Variants in GPC6 observed in about 807,000 individuals in gnomAD.
GPC6 encodes the protein glypican 6, also known as glypican-6.
A neutral mutation model predicts 55.2 loss-of-function variants in GPC6; 14 were observed. That is an observed-to-expected ratio of 0.25 (90% CI 0.17 to 0.40). The LOEUF is 0.40. GPC6 is among the 10% of genes least tolerant of loss of function. GPC6 has a pLI of 1.00. For missense variants in GPC6, 641 were observed against 708.5 expected, an observed-to-expected ratio of 0.90 and a Z score of 1.08; for synonymous variants, 278 against 259.6, an observed-to-expected ratio of 1.07 and a Z score of -0.68.
At chr13:94,113,789 G>A (rs1051153361) in intron 4 of GPC6, among the ~76,000 whole-genome samples, 5 of 151,864 alleles carry the variant, frequency 3.3e-5, no homozygotes, top group Non-Finnish European at 5.9e-5. Flanking sequence ...GGGAGCCTGA[G>A]GTGAGAGGAT....
intron 2 of GPC6, among the ~76,000 whole-genome samples, chr13:93,647,675 C>T (rs1440926623): frequency 6.6e-6 from 1 of 152,154 alleles, no homozygotes; most frequent in Non-Finnish European, 1.5e-5. Context: ...CGTGATTCTT[C>T]CATAACTGTC....
At position 93,591,637 on chromosome 13, in the gene GPC6, G is replaced by C. The variant is rs1877492537; in HGVS notation, c.319+46216G>C. Reference sequence around the variant, plus strand: ...TTGTTTCAGTATGTTTCAGAAGTCAGAATTTGTTTATAATCTTAGAAAGTT... The same window carrying C: ...TTGTTTCAGTATGTTTCAGAAGTCACAATTTGTTTATAATCTTAGAAAGTT... On this transcript the variant is annotated intron_variant, in intron 2 of 8. Transcript: ENST00000377047. Among the ~76,000 whole-genome samples the C allele has an allele frequency of 1.3e-5, 2 of 152,210 alleles. 1 individual carries two copies. The highest frequency in any genetic ancestry group is 3.9e-4 in the East Asian group (2 of 5,180).
intron 1 of GPC6, among the ~76,000 whole-genome samples, chr13:93,537,263 A>G (rs1372545151): frequency 6.6e-6 from 1 of 152,204 alleles, no homozygotes; most frequent in African/African-American, 2.4e-5. Flanking sequence ...TCTTCTTGCC[A>G]TGATATGAGG....
intron 2 of GPC6, among the ~76,000 whole-genome samples, chr13:93,766,506 T>C (rs1885134555): frequency 6.6e-6 from 1 of 152,104 alleles, no homozygotes; most frequent in Non-Finnish European, 1.5e-5. Flanking sequence ...ACTATAATTT[T>C]ATAAAAGGTA....
intron 4 of GPC6, among the ~76,000 whole-genome samples, chr13:94,277,182 G>T (rs917703244): frequency 7.2e-5 from 11 of 152,156 alleles, no homozygotes; most frequent in Non-Finnish European, 1.3e-4. Context: ...TTTCTATAAT[G>T]ATCAGTGCTG....
chr13:93,407,219 C>A (rs145887736), intron 1 of GPC6, among the ~76,000 whole-genome samples: 2 of 151,310 alleles, frequency 1.3e-5, no homozygotes, highest in African/African-American at 2.4e-5. Context: ...AAATAATCAG[C>A]AAAAAATGAA....
intron 1 of GPC6, among the ~76,000 whole-genome samples, chr13:93,428,991 T>C (rs887073498): frequency 6.6e-6 from 1 of 152,116 alleles, no homozygotes; most frequent in African/African-American, 2.4e-5. Flanking sequence ...TCCCTTGATC[T>C]TGGAGTTCCT....
intron 3 of GPC6, among the ~76,000 whole-genome samples, chr13:93,895,489 T>C (rs1009292990): frequency 1.3e-5 from 2 of 151,736 alleles, no homozygotes; most frequent in Admixed American, 6.6e-5. Context: ...TGCTTGGGAA[T>C]TGATTCAAGT....
At chr13:93,364,050 AGTAGG>A (rs1278624123) in intron 1 of GPC6, among the ~76,000 whole-genome samples, 1 of 151,984 alleles carries the variant, frequency 6.6e-6, no homozygotes, top group East Asian at 1.9e-4. Flanking sequence ...TTGTCAGATG[AGTAGG>A]TTGCGAAAAT....
At chr13:93,481,639 ATT>A (rs71202585) in intron 1 of GPC6, among the ~76,000 whole-genome samples, 1 of 150,182 alleles carries the variant, frequency 6.7e-6, no homozygotes, top group Non-Finnish European at 1.5e-5. Context: ...ATCCAGCTTC[ATT>A]TTTTTTTTGT....
chr13:93,255,527 C>T (rs1378944116), intron 1 of GPC6, among the ~76,000 whole-genome samples: 1 of 152,012 alleles, frequency 6.6e-6, no homozygotes, highest in Non-Finnish European at 1.5e-5. Flanking sequence ...GGGTTTTTTT[C>T]CCCCTACATG....
At chr13:94,242,165 G>A (rs1433992284) in intron 4 of GPC6, among the ~76,000 whole-genome samples, 2 of 151,974 alleles carry the variant, frequency 1.3e-5, no homozygotes, top group Admixed American at 1.3e-4. Context: ...GAGAACATGC[G>A]GTGTTTGGTT....
intron 3 of GPC6, among the ~76,000 whole-genome samples, chr13:93,894,006 A>T (rs992164898): frequency 5.9e-5 from 9 of 152,190 alleles, no homozygotes; most frequent in Non-Finnish European, 1.2e-4. Context: ...GACAAACTCC[A>T]TGATGGCACT....
intron 1 of GPC6, among the ~76,000 whole-genome samples, chr13:93,259,226 C>G (rs1018064987): frequency 1.3e-5 from 2 of 152,268 alleles, no homozygotes; most frequent in East Asian, 1.9e-4. Context: ...GCCTGATATT[C>G]TGTTGAGTTC....
At chr13:94,357,451 G>A (rs1272903038) in intron 6 of GPC6, among the ~76,000 whole-genome samples, 4 of 152,150 alleles carry the variant, frequency 2.6e-5, no homozygotes, top group Admixed American at 6.5e-5. Flanking sequence ...GATGCTCCGC[G>A]GGTAATACTT....
chr13:93,830,094 T>G, intron 2 of GPC6, 60 bp from the exon 3 acceptor site: 1 of 1,254,850 alleles, frequency 8.0e-7, no homozygotes, highest in Non-Finnish European at 1.1e-6. Context: ...TTAAGGTAAG[T>G]GGGTGCCTTG....
intron 3 of GPC6, among the ~76,000 whole-genome samples, chr13:93,861,407 TA>T (rs34697552): frequency 0.36 from 50,915 of 142,042 alleles, 8,782 homozygotes; most frequent in African/African-American, 0.44. Context: ...GTTGTATATG[TA>T]AAAAAAAAAA....
At chr13:94,078,899 G>A (rs1377437776) in intron 4 of GPC6, among the ~76,000 whole-genome samples, 2 of 151,794 alleles carry the variant, frequency 1.3e-5, no homozygotes, top group Non-Finnish European at 2.9e-5. Flanking sequence ...CATTTTATGA[G>A]CCCAGCATTA....
At chr13:93,257,325 C>A (rs1876989544) in intron 1 of GPC6, among the ~76,000 whole-genome samples, 1 of 152,030 alleles carries the variant, frequency 6.6e-6, no homozygotes, top group African/African-American at 2.4e-5. Flanking sequence ...TGTTATAAAA[C>A]CATTACTTTC....
Sources: allele counts gnomAD v4.1 joint callset (sites outside exome capture counted in the v4.1 genomes callset), GRCh38; gene constraint gnomAD v4.1.1; transcripts MANE v1.5; gene names NCBI Gene and HGNC (gene_info 2026-07-23, HGNC 2026-07-21).